The following CHRM3 variants were observed in gnomAD, a reference collection of about 807,000 sequenced individuals.
The protein encoded by CHRM3 is muscarinic acetylcholine receptor M3.
In CHRM3, 11 loss-of-function variants were observed where a neutral mutation model predicts 41.8. The observed-to-expected ratio is 0.26, with a 90% CI of 0.17 to 0.44. The LOEUF is 0.44. CHRM3 is among the 20% of genes least tolerant of loss of function. The probability of loss-of-function intolerance (pLI) is 1.00; values close to 1 mark genes in which losing one functional copy is unlikely to be tolerated. For missense variants in CHRM3, 571 were observed against 745.4 expected, an observed-to-expected ratio of 0.77 and a Z score of 2.72; for synonymous variants, 297 against 301.4, an observed-to-expected ratio of 0.99 and a Z score of 0.15.
chr1:239,778,300 A>T (rs1668255331), intron 5 of CHRM3, among the ~76,000 whole-genome samples: 1 of 152,170 alleles, frequency 6.6e-6, no homozygotes, highest in African/African-American at 2.4e-5. Flanking sequence ...TCTATTTTCA[A>T]CCATTTCCAA....
At chr1:239,738,762 A>G (rs1664602215) in intron 5 of CHRM3, among the ~76,000 whole-genome samples, 1 of 152,194 alleles carries the variant, frequency 6.6e-6, no homozygotes, top group Non-Finnish European at 1.5e-5. Flanking sequence ...TGCTCCCTCA[A>G]GAGGGCTTGT....
chr1:239,784,687 CTTTA>C (rs915669228), intron 5 of CHRM3, among the ~76,000 whole-genome samples: 8 of 151,968 alleles, frequency 5.3e-5, no homozygotes, highest in African/African-American at 1.9e-4. Flanking sequence ...TTGATTTTAC[CTTTA>C]TTTATTCTTT....
At chr1:239,836,983 A>T (rs1193272913) in intron 6 of CHRM3, among the ~76,000 whole-genome samples, 2 of 151,878 alleles carry the variant, frequency 1.3e-5, no homozygotes, top group Non-Finnish European at 2.9e-5. Context: ...TAAAAAAAAA[A>T]AAAAAAGATG....
intron 1 of CHRM3, among the ~76,000 whole-genome samples, chr1:239,475,616 A>G (rs1054266241): frequency 3.9e-5 from 6 of 152,182 alleles, no homozygotes; most frequent in African/African-American, 1.4e-4. Flanking sequence ...AGAAATCTGA[A>G]TAAACATTGG....
chr1:239,638,401 T>G (rs1348917048), intron 4 of CHRM3, among the ~76,000 whole-genome samples: 1 of 152,090 alleles, frequency 6.6e-6, no homozygotes. Context: ...TGTTCCTGTT[T>G]CTCCACATCC....
chr1:239,628,523 C>T lies in CHRM3; in HGVS notation c.-312-3701C>T, dbSNP rs1440443639. ...CAGCTCGTCAAAATCATTCTCCATC[C>T]AGCTTTGTTCCGTTGCTGGTGAGGA... On this transcript the variant is annotated intron_variant, in intron 3 of 6. Coordinates refer to ENST00000676153, the MANE Select transcript of CHRM3 (RefSeq NM_001375978.1). Among the ~76,000 whole-genome samples, 2 of 65,304 alleles carry T rather than the reference C, an allele frequency of 3.1e-5. 1 individual carries two copies. Among genetic ancestry groups the T allele is most frequent in the Non-Finnish European group, 5.2e-5 (2 of 38,342 alleles). 42.8% of individuals were successfully genotyped at this position (65,304 alleles called of 152,430 possible).
intron 5 of CHRM3, among the ~76,000 whole-genome samples, chr1:239,709,076 ATC>A: frequency 6.6e-6 from 1 of 152,214 alleles, no homozygotes; most frequent in Admixed American, 6.5e-5. Context: ...ACTGTTTTCT[ATC>A]TGTTTCTACC....
intron 5 of CHRM3, among the ~76,000 whole-genome samples, chr1:239,824,472 A>G (rs1363838640): frequency 6.6e-6 from 1 of 152,234 alleles, no homozygotes; most frequent in Non-Finnish European, 1.5e-5. Flanking sequence ...AGTTAGGTGA[A>G]AATGATAAAA....
chr1:239,773,781 A>AAG (rs1667874442), intron 5 of CHRM3, among the ~76,000 whole-genome samples: 1 of 152,212 alleles, frequency 6.6e-6, no homozygotes, highest in Admixed American at 6.5e-5. Context: ...TGGGAGGATG[A>AAG]GAATAACTCC....
chr1:239,788,166 T>C (rs1669059239), intron 5 of CHRM3, among the ~76,000 whole-genome samples: 1 of 151,786 alleles, frequency 6.6e-6, no homozygotes, highest in South Asian at 2.1e-4. Context: ...AGCCCAGGAG[T>C]TTGAGGCTCT....
chr1:239,733,790 G>C (rs1022883428), intron 5 of CHRM3, among the ~76,000 whole-genome samples: 1 of 152,032 alleles, frequency 6.6e-6, no homozygotes, highest in South Asian at 2.1e-4. Flanking sequence ...AGAAAAGGAA[G>C]TAACCACTTA....
intron 2 of CHRM3, among the ~76,000 whole-genome samples, chr1:239,542,971 G>T (rs778636409): frequency 1.3e-5 from 2 of 152,108 alleles, no homozygotes; most frequent in African/African-American, 2.4e-5. Context: ...TACCATTTAT[G>T]CATCTTTGCT....
At chr1:239,650,996 T>A (rs911807761) in intron 4 of CHRM3, among the ~76,000 whole-genome samples, 1 of 152,210 alleles carries the variant, frequency 6.6e-6, no homozygotes, top group African/African-American at 2.4e-5. Context: ...ATGCATAATA[T>A]CATGTGTTTT....
intron 5 of CHRM3, among the ~76,000 whole-genome samples, chr1:239,808,171 C>G (rs527438375): frequency 6.6e-6 from 1 of 152,064 alleles, no homozygotes; most frequent in African/African-American, 2.4e-5. Context: ...CATGGGAGTT[C>G]GAGGAAGACA....
At chr1:239,447,161 AC>A (rs1448340354) in intron 1 of CHRM3, among the ~76,000 whole-genome samples, 1 of 152,176 alleles carries the variant, frequency 6.6e-6, no homozygotes, top group Non-Finnish European at 1.5e-5. Flanking sequence ...TCAAATATTC[AC>A]CAAAGTATTT....
chr1:239,849,819 T>C (rs898935866), intron 6 of CHRM3, among the ~76,000 whole-genome samples: 4 of 152,166 alleles, frequency 2.6e-5, no homozygotes, highest in African/African-American at 9.6e-5. Flanking sequence ...TTTTAGCAAG[T>C]GCCTAATAAG....
intron 2 of CHRM3, among the ~76,000 whole-genome samples, chr1:239,544,389 A>G (rs1328742754): frequency 6.6e-6 from 1 of 152,202 alleles, no homozygotes; most frequent in Non-Finnish European, 1.5e-5. Context: ...TTTCTGGAAA[A>G]TATCTTTATT....
In CHRM3 at chr1:239,767,039, C is replaced by CA. The variant is rs1438845446; in HGVS notation, c.-146-60208dup. On this transcript the variant is annotated intron_variant, in intron 5 of 6. Coordinates refer to ENST00000676153, the MANE Select transcript of CHRM3 (RefSeq NM_001375978.1). Reference sequence around the variant, plus strand: ...ACCATATATATATTAAATAATCTGGCAAAAATAGTAAATGTAGACAGAAAG... The same window carrying CA: ...ACCATATATATATTAAATAATCTGGCAAAAAATAGTAAATGTAGACAGAAAG... Among the ~76,000 whole-genome samples, 6 of 152,086 alleles carry CA rather than the reference C, an allele frequency of 3.9e-5. No homozygotes were observed. In the East Asian group the frequency reaches 1.2e-3, roughly 29 times the overall value.
At chr1:239,667,450 G>T (rs1303003179) in intron 4 of CHRM3, among the ~76,000 whole-genome samples, 1 of 152,012 alleles carries the variant, frequency 6.6e-6, no homozygotes, top group Non-Finnish European at 1.5e-5. Flanking sequence ...CCATTACAAG[G>T]CCTTTTCTCC....
Sources: allele counts gnomAD v4.1 joint callset (sites outside exome capture counted in the v4.1 genomes callset), GRCh38; gene constraint gnomAD v4.1.1; transcripts MANE v1.5; gene names NCBI Gene and HGNC (gene_info 2026-07-23, HGNC 2026-07-21).